FGF22: variants seen among roughly 807,000 people sequenced by gnomAD.
FGF22 encodes the protein fibroblast growth factor 22.
In FGF22, 11 loss-of-function variants were observed where a neutral mutation model predicts 10.3. The ratio of observed to expected loss-of-function variants is 1.07; its 90% CI spans 0.67 to 1.77. FGF22 has a LOEUF of 1.77. Among genes scored for constraint, FGF22 ranks in the 40% most tolerant of loss-of-function variants. The pLI, the probability that FGF22 is intolerant of heterozygous loss-of-function variation, is 0.00. For missense variants in FGF22, 317 were observed against 273.2 expected (o/e 1.16, Z -1.13); for synonymous variants, 136 against 122.1 (o/e 1.11, Z -0.75).
intron 1 of FGF22, 111 bp downstream of exon 1, chr19:640,250 T>A: frequency 1.5e-6 from 1 of 671,724 alleles, no homozygotes; most frequent in Middle Eastern, 4.8e-4. Flanking sequence ...GGCTCCTCTG[T>A]GCAGCCTCGG....
Position 643,313 on chromosome 19 carries a change from A to AAGCG in FGF22, c.293_294insAGCG (p.Asn98LysfsTer78). On this transcript the variant is annotated frameshift_variant, in exon 2 of 3. Transcript: ENST00000215530. LOFTEE classifies it low-confidence loss of function (END_TRUNC). ...TCCTCAGGCTTCTACGTGGCCATGA[A>AAGCG]CCGCCGGGGCCGCCTCTACGGGTCG... 1 of 1,532,490 alleles carries AAGCG rather than the reference A, an allele frequency of 6.5e-7. No homozygotes were observed. The highest frequency in any genetic ancestry group is 8.8e-7 in the Non-Finnish European group (1 of 1,134,142). 94.9% of individuals were successfully genotyped at this position (1,532,490 alleles called of 1,614,324 possible).
At chr19:643,730 C>G (rs1985994364) in exon 3 of FGF22, 1 of 855,840 alleles carries the variant, frequency 1.2e-6, no homozygotes. Flanking sequence ...GCTGTGGACA[C>G]AGCCCAGGAG....
intron 1 of FGF22, among the ~76,000 whole-genome samples, chr19:641,749 G>T (rs942157010): frequency 2.6e-5 from 4 of 152,116 alleles, no homozygotes; most frequent in Non-Finnish European, 5.9e-5. Context: ...CCTCAAAGAC[G>T]TTCCTGTGTG....
chr19:639,881 G>A, exon 1 of FGF22: 1 of 1,159,146 alleles, frequency 8.6e-7, no homozygotes, highest in Non-Finnish European at 1.1e-6. Flanking sequence ...GCAGAGCCGC[G>A]GACGCCCGGG....
intron 1 of FGF22, 31 bp from the exon 2 acceptor site, chr19:643,204 C>G (rs1285493010): frequency 8.3e-7 from 1 of 1,204,794 alleles, no homozygotes; most frequent in African/African-American, 2.4e-5. Flanking sequence ...GGTGAGCCAG[C>G]AAGGCCCTCC....
intron 1 of FGF22, among the ~76,000 whole-genome samples, chr19:641,766 A>C (rs1371536142): frequency 6.6e-6 from 1 of 151,992 alleles, no homozygotes. Context: ...TGTGTCCTGG[A>C]AGGTCGGGCT....
At chr19:640,969 C>T in intron 1 of FGF22, 1 of 352,960 alleles carries the variant, frequency 2.8e-6, no homozygotes, top group Non-Finnish European at 5.7e-6. Context: ...CTGGGCCGGT[C>T]CATCCATGGC....
chr19:643,846 G>A (rs981650892), exon 3 of FGF22: 18 of 504,402 alleles, frequency 3.6e-5, no homozygotes, highest in Non-Finnish European at 4.2e-5. Flanking sequence ...GCTGAAGGAC[G>A]CAGACGTCGA....
intron 1 of FGF22, chr19:640,994 G>A (rs954046503): frequency 3.1e-5 from 11 of 359,756 alleles, no homozygotes; most frequent in Non-Finnish European, 4.5e-5. Flanking sequence ...ATGGCCAGGC[G>A]GGGTGGCCTC....
chr19:643,370 C>CAGGGTGGGG, intron 2 of FGF22, 32 bp downstream of exon 2: 1 of 1,014,212 alleles, frequency 9.9e-7, no homozygotes, highest in Admixed American at 2.0e-5. Flanking sequence ...GCGGCGCGGG[C>CAGGGTGGGG]AGGGTGGGGA....
chr19:643,784 C>T, exon 3 of FGF22: 5 of 605,070 alleles, frequency 8.3e-6, no homozygotes, highest in Non-Finnish European at 1.4e-5. Context: ...GGCCACCAAG[C>T]AGGTTCAATC....
Position 642,822 on chromosome 19 carries a change from C to T in FGF22, c.215-413C>T, listed in dbSNP as rs936640974. Among the ~76,000 whole-genome samples, 5 of 147,334 alleles carry T rather than the reference C, an allele frequency of 3.4e-5. 1 individual carries two copies. The South Asian group carries it at 8.7e-4, about 26-fold the overall frequency. ...CCACATCCCAGGAACCCTTTCCCAA[C>T]CTTCCTCGTGGTGTTGCTGCCCCCC... is the stretch of plus-strand genomic sequence containing the variant. On this transcript the variant is annotated intron_variant, in intron 1 of 2. Transcript: ENST00000215530.
At chr19:641,317 C>T (rs1327887355) in intron 1 of FGF22, 3 of 452,542 alleles carry the variant, frequency 6.6e-6, no homozygotes, top group South Asian at 1.6e-5. Context: ...TGGCTCACGT[C>T]GGTAATCCCA....
intron 1 of FGF22, chr19:640,901 C>A (rs1253800152): frequency 6.6e-6 from 2 of 305,128 alleles, no homozygotes; most frequent in East Asian, 8.1e-5. Context: ...CCACCGCTTT[C>A]ATCTGGGCGC....
At chr19:643,364 C>T (rs779198646) in intron 2 of FGF22, 26 bp downstream of exon 2, 36 of 952,138 alleles carry the variant, frequency 3.8e-5, no homozygotes, top group East Asian at 5.2e-5. Context: ...GGCTGGGCGG[C>T]GCGGGCAGGG....
At chr19:641,070 G>C in intron 1 of FGF22, 1 of 421,306 alleles carries the variant, frequency 2.4e-6, no homozygotes, top group Admixed American at 2.5e-5. Context: ...TCCAAGCCTC[G>C]GTTTCCCCAG....
exon 3 of FGF22, chr19:643,485 T>C (rs753640996): frequency 6.2e-7 from 1 of 1,611,068 alleles, no homozygotes; most frequent in South Asian, 1.1e-5. Flanking sequence ...CTCACAGCGC[T>C]GGCGCCGCCG....
intron 1 of FGF22, among the ~76,000 whole-genome samples, 191 bp from the exon 2 acceptor site, chr19:643,044 T>TG (rs796395085): frequency 0.018 from 283 of 15,690 alleles, 1 homozygote; most frequent in Middle Eastern, 0.094. Flanking sequence ...CCTCACATGC[T>TG]GGGGGGGGCT....
At chr19:641,574 CAA>C (rs68071125) in intron 1 of FGF22, 1,252 of 94,274 alleles carry the variant, frequency 0.013, 6 homozygotes, top group South Asian at 0.028. Flanking sequence ...GACTCCGTCT[CAA>C]AAAAAAAAAA....
Sources: allele counts gnomAD v4.1 joint callset (sites outside exome capture counted in the v4.1 genomes callset), GRCh38; gene constraint gnomAD v4.1.1; transcripts MANE v1.5; gene names NCBI Gene and HGNC (gene_info 2026-07-23, HGNC 2026-07-21).